The following PTPRD variants were observed in gnomAD, a reference collection of about 807,000 sequenced individuals.
PTPRD encodes the protein protein tyrosine phosphatase receptor type D.
Under a neutral mutation model 214.5 loss-of-function variants are expected in PTPRD, and 34 were observed. The ratio of observed to expected loss-of-function variants is 0.16; its 90% CI spans 0.12 to 0.21. The LOEUF (loss-of-function observed/expected upper bound fraction) is 0.21. PTPRD is among the 10% of genes least tolerant of loss of function. PTPRD has a pLI of 1.00. For synonymous variants in PTPRD, 1,128 were observed against 845.7 expected (o/e 1.33, Z -5.79); for missense variants, 2,545 against 2,398.7 (o/e 1.06, Z -1.27).
At chr9:10,254,251 T>G (rs142050668) in intron 3 of PTPRD, among the ~76,000 whole-genome samples, 260 of 152,360 alleles carry the variant, frequency 1.7e-3, no homozygotes, top group African/African-American at 5.8e-3. Context: ...AGTAAGTAAC[T>G]GAATGTATAA....
chr9:8,553,005 C>T (rs79101211), intron 14 of PTPRD, among the ~76,000 whole-genome samples: 5,053 of 152,216 alleles, frequency 0.033, 220 homozygotes, highest in African/African-American at 0.099. Flanking sequence ...TGACCACAGA[C>T]CCAAGAGAGA....
intron 5 of PTPRD, among the ~76,000 whole-genome samples, chr9:9,915,681 C>T (rs551519302): frequency 1.3e-4 from 19 of 149,140 alleles, no homozygotes; most frequent in African/African-American, 4.7e-4. Context: ...TTTAAATGAA[C>T]CAGGAAAAAA....
intron 32 of PTPRD, among the ~76,000 whole-genome samples, chr9:8,461,822 A>T (rs566076273): frequency 2.0e-4 from 31 of 151,650 alleles, no homozygotes; most frequent in South Asian, 1.7e-3. Flanking sequence ...TTTTAAAAAA[A>T]TTTTTTTTAT....
intron 10 of PTPRD, among the ~76,000 whole-genome samples, chr9:9,130,351 G>A (rs2099840702): frequency 6.6e-6 from 1 of 152,070 alleles, no homozygotes; most frequent in African/African-American, 2.4e-5. Flanking sequence ...AAATTAAAGA[G>A]TTTCTCCAGT....
intron 14 of PTPRD, among the ~76,000 whole-genome samples, chr9:8,626,750 G>A (rs1019984045): frequency 1.3e-5 from 2 of 151,566 alleles, no homozygotes; most frequent in Non-Finnish European, 3.0e-5. Context: ...GACCCAATCT[G>A]AAACATCAGC....
At chr9:9,844,164 G>C (rs569296263) in intron 5 of PTPRD, among the ~76,000 whole-genome samples, 3 of 151,602 alleles carry the variant, frequency 2.0e-5, no homozygotes, top group African/African-American at 4.8e-5. Context: ...ATTGTTTTTT[G>C]TCTAGCTTTC....
chr9:8,675,754 G>A (rs2097397931), intron 12 of PTPRD, among the ~76,000 whole-genome samples: 1 of 151,918 alleles, frequency 6.6e-6, no homozygotes, highest in Non-Finnish European at 1.5e-5. Flanking sequence ...CTCCACCCCT[G>A]CCGTCCCCAC....
At chr9:10,481,568 C>T (rs930056033) in intron 2 of PTPRD, among the ~76,000 whole-genome samples, 1 of 152,022 alleles carries the variant, frequency 6.6e-6, no homozygotes, top group African/African-American at 2.4e-5. Flanking sequence ...GTCTCTTAGC[C>T]TCATGAGAAA....
chr9:10,455,764 C>T (rs763632959), intron 2 of PTPRD, among the ~76,000 whole-genome samples: 2 of 151,586 alleles, frequency 1.3e-5, no homozygotes, highest in East Asian at 1.9e-4. Context: ...AAAATTTCAG[C>T]GATGTAGATC....
chr9:9,784,751 A>G (rs1454209137), intron 5 of PTPRD, among the ~76,000 whole-genome samples: 1 of 151,490 alleles, frequency 6.6e-6, no homozygotes, highest in African/African-American at 2.4e-5. Flanking sequence ...TATTACCAGC[A>G]TTTAAAATTT....
At chr9:10,513,427 C>T (rs1027297915) in intron 2 of PTPRD, among the ~76,000 whole-genome samples, 1 of 151,820 alleles carries the variant, frequency 6.6e-6, no homozygotes, top group African/African-American at 2.4e-5. Context: ...TTCAAAAATA[C>T]AATGAAAATA....
At chr9:9,191,014 T>C (rs12380451) in intron 9 of PTPRD, among the ~76,000 whole-genome samples, 31,886 of 152,012 alleles carry the variant, frequency 0.21, 4,243 homozygotes, top group Non-Finnish European at 0.3. Flanking sequence ...ATTCATACAC[T>C]TGTGTAACCT....
chr9:9,229,462 T>G (rs74981244), intron 9 of PTPRD, among the ~76,000 whole-genome samples: 1 of 152,066 alleles, frequency 6.6e-6, no homozygotes, highest in African/African-American at 2.4e-5. Context: ...TAATCCTTCA[T>G]TGCGCCCTTA....
In PTPRD at chr9:9,940,786, C is replaced by T. The variant is rs529082024; in HGVS notation, c.-471-2176G>A. Among the ~76,000 whole-genome samples, 56 of 152,252 alleles carry T rather than the reference C, an allele frequency of 3.7e-4. 2 individuals are homozygous for T. Among genetic ancestry groups the T allele is most frequent in the Admixed American group, 2.5e-3 (39 of 15,296 alleles). On this transcript the variant is annotated intron_variant, in intron 4 of 45. Transcript: ENST00000381196. ...GCACTTTCGTAAGGGTTGTTCCCTC[C>T]GCTTAAGAATGATTTCTCTTCCTAC...
In PTPRD at chr9:8,713,668, C is replaced by T. The variant is rs559785522; in HGVS notation, c.64+20112G>A. On this transcript the variant is annotated intron_variant, in intron 12 of 45. Coordinates refer to ENST00000381196, the MANE Select transcript of PTPRD (RefSeq NM_002839.4). ...AGACATGGGCGCCCGGCACCGCGCCCGGGCCCACTCCATTCAGATCATGAT... is the reference window on the plus strand; with the variant it reads ...AGACATGGGCGCCCGGCACCGCGCCTGGGCCCACTCCATTCAGATCATGAT... 1.1e-4 allele frequency: 168 copies of T among 1,510,664 alleles called. No homozygotes were observed. In the African/African-American group the frequency reaches 2.1e-3, roughly 19 times the overall value. 93.6% of individuals were successfully genotyped at this position (1,510,664 alleles called of 1,614,324 possible).
Position 8,587,880 on chromosome 9 carries a change from C to T in PTPRD, c.352+45437G>A, listed in dbSNP as rs550604654. ...CTGTTTCCACTGACCAGATGAAAATCGTAAATCCTCAAAGATGCCAACAAG... is the reference window on the plus strand; with the variant it reads ...CTGTTTCCACTGACCAGATGAAAATTGTAAATCCTCAAAGATGCCAACAAG... On this transcript the variant is annotated intron_variant, in intron 14 of 45. Coordinates refer to ENST00000381196, the MANE Select transcript of PTPRD (RefSeq NM_002839.4). Among the ~76,000 whole-genome samples, 10 of 152,244 alleles carry T rather than the reference C, an allele frequency of 6.6e-5. 1 individual carries two copies. The highest frequency in any genetic ancestry group is 3.9e-4 in the Admixed American group (6 of 15,282).
intron 11 of PTPRD, among the ~76,000 whole-genome samples, chr9:8,983,326 T>A (rs979205567): frequency 5.3e-5 from 8 of 152,012 alleles, no homozygotes; most frequent in Admixed American, 6.6e-5. Context: ...CAATGTCAAA[T>A]AAGTAGGGAA....
chr9:10,231,743 A>G (rs1188183744), intron 3 of PTPRD, among the ~76,000 whole-genome samples: 2 of 151,902 alleles, frequency 1.3e-5, no homozygotes, highest in Non-Finnish European at 2.9e-5. Flanking sequence ...ATTGAAAGAA[A>G]TGTTCTGCTG....
intron 8 of PTPRD, among the ~76,000 whole-genome samples, chr9:9,471,083 G>A (rs7851525): frequency 0.088 from 13,388 of 152,208 alleles, 645 homozygotes; most frequent in South Asian, 0.14. Flanking sequence ...TCTGTAAAAT[G>A]TAAAGCATTA....
Sources: gnomAD v4.1 joint callset for allele counts (sites outside exome capture counted in the v4.1 genomes callset) on GRCh38, gnomAD v4.1.1 for gene constraint, MANE v1.5 for transcripts, NCBI Gene and HGNC (gene_info 2026-07-23, HGNC 2026-07-21) for gene names.